The following PRDM5 variants were observed in gnomAD, a reference collection of about 807,000 sequenced individuals.
The protein encoded by PRDM5 is PR domain zinc finger protein 5.
PRDM5 carries 56 observed loss-of-function variants against 81.2 expected under a neutral mutation model. The observed-to-expected ratio is 0.69, with a 90% CI of 0.56 to 0.86. The LOEUF is 0.86. PRDM5 is among the 40% of genes least tolerant of loss of function. The probability of loss-of-function intolerance (pLI) is 0.00; values close to 1 mark genes in which losing one functional copy is unlikely to be tolerated. For missense variants in PRDM5, 697 were observed against 770.1 expected (o/e 0.91, Z 1.12); for synonymous variants, 267 against 256.4 (o/e 1.04, Z -0.39).
At chr4:120,748,575 A>G (rs1203295367) in intron 14 of PRDM5, among the ~76,000 whole-genome samples, 1 of 151,840 alleles carries the variant, frequency 6.6e-6, no homozygotes, top group African/African-American at 2.4e-5. Flanking sequence ...CAGGAGTTCA[A>G]GGTTGCAGTA....
chr4:120,830,115 A>T (rs977895119), intron 3 of PRDM5, among the ~76,000 whole-genome samples: 8 of 152,076 alleles, frequency 5.3e-5, no homozygotes, highest in Non-Finnish European at 1.0e-4. Flanking sequence ...TGTATCTATA[A>T]TCCAACAATA....
chr4:120,750,643 C>T (rs1743848854), intron 14 of PRDM5, among the ~76,000 whole-genome samples: 1 of 151,774 alleles, frequency 6.6e-6, no homozygotes, highest in Admixed American at 6.6e-5. Flanking sequence ...CAGGCATAAG[C>T]AGTATTTACT....
intron 14 of PRDM5, among the ~76,000 whole-genome samples, chr4:120,748,771 G>C (rs1406210546): frequency 1.3e-5 from 2 of 152,140 alleles, no homozygotes; most frequent in Middle Eastern, 3.4e-3. Flanking sequence ...ATGAGAAATG[G>C]CTCCAAATGC....
At chr4:120,728,793 TAC>T (rs1739824037) in intron 14 of PRDM5, among the ~76,000 whole-genome samples, 1 of 152,100 alleles carries the variant, frequency 6.6e-6, no homozygotes, top group Admixed American at 6.6e-5. Context: ...ACATCCACAC[TAC>T]AGAGCTTCCA....
chr4:120,711,570 A>G (rs1736993721), intron 14 of PRDM5, among the ~76,000 whole-genome samples: 1 of 151,500 alleles, frequency 6.6e-6, no homozygotes, highest in African/African-American at 2.4e-5. Flanking sequence ...TTGGCCTCCC[A>G]AAGTGCTGAG....
At chr4:120,761,040 T>A (rs1299198227) in intron 13 of PRDM5, among the ~76,000 whole-genome samples, 1 of 152,158 alleles carries the variant, frequency 6.6e-6, no homozygotes. Flanking sequence ...TAATGCCAAT[T>A]TAACATTATT....
intron 3 of PRDM5, among the ~76,000 whole-genome samples, chr4:120,826,542 A>C (rs921851933): frequency 6.6e-6 from 1 of 152,150 alleles, no homozygotes; most frequent in Non-Finnish European, 1.5e-5. Context: ...AGTGGAAAAG[A>C]ATTATCAAGT....
chr4:120,776,777 A>G (rs3804162), intron 13 of PRDM5, among the ~76,000 whole-genome samples: 15,373 of 152,188 alleles, frequency 0.1, 1,004 homozygotes, highest in East Asian at 0.22. Flanking sequence ...CTGGTATCCA[A>G]TAAAATCCTA....
intron 2 of PRDM5, among the ~76,000 whole-genome samples, chr4:120,878,291 G>A (rs1272130187): frequency 6.6e-6 from 1 of 151,994 alleles, no homozygotes; most frequent in East Asian, 1.9e-4. Context: ...TAACAAAGAA[G>A]GAAAAGCAAT....
At chr4:120,820,514 C>A (rs1344968283) in intron 4 of PRDM5, among the ~76,000 whole-genome samples, 1 of 152,198 alleles carries the variant, frequency 6.6e-6, no homozygotes, top group Non-Finnish European at 1.5e-5. Flanking sequence ...AGAAACAAGG[C>A]CAATAATAAT....
chr4:120,764,626 G>A (rs956563633), intron 13 of PRDM5, among the ~76,000 whole-genome samples: 1 of 151,980 alleles, frequency 6.6e-6, no homozygotes, highest in African/African-American at 2.4e-5. Flanking sequence ...CATTGATGTG[G>A]TTGTGGATCT....
rs199897614 is a variant in PRDM5 at position 120,725,196 on chromosome 4, G to C, written c.1624-14783C>G. Among the ~76,000 whole-genome samples the C allele has an allele frequency of 2.0e-5, 3 of 151,036 alleles. No individual in the cohort carries two copies. In the East Asian group the frequency reaches 5.8e-4, roughly 29 times the overall value. On this transcript the variant is annotated intron_variant, in intron 14 of 15. Transcript: ENST00000264808. The stretch of plus-strand genomic sequence containing the variant: ...ACCATTAACATTTTAAAATTCCAAA[G>C]GTAACTGCAGAAGTTTTTTTTTTTT...
rs186664004 is a variant in PRDM5 at position 120,758,467 on chromosome 4, A to G, written c.1538-3829T>C. 3.9e-5 allele frequency among the ~76,000 whole-genome samples: 6 copies of G among 152,276 alleles called. No homozygotes were observed. In the East Asian group the frequency reaches 1.2e-3, roughly 30 times the overall value. On this transcript the variant is annotated intron_variant, in intron 13 of 15. Transcript: ENST00000264808. ...TGGAGTAGTGTGGGCCCCTAATCAA[A>G]TATGATTGATGTCCTCATAAAAAGA...
chr4:120,711,310 T>C (rs1578438687), intron 14 of PRDM5, among the ~76,000 whole-genome samples: 1 of 152,274 alleles, frequency 6.6e-6, no homozygotes, highest in East Asian at 1.9e-4. Flanking sequence ...ATTTCCTTTT[T>C]GTTGTTGTGA....
chr4:120,818,567 T>G, intron 4 of PRDM5, 40 bp from the exon 5 acceptor site: 3 of 1,561,254 alleles, frequency 1.9e-6, no homozygotes, highest in Non-Finnish European at 2.6e-6. Flanking sequence ...AGACAAAAAT[T>G]CAGAGCCAAG....
intron 10 of PRDM5, among the ~76,000 whole-genome samples, chr4:120,794,626 C>CTT (rs751900616): frequency 2.2e-5 from 3 of 137,482 alleles, no homozygotes; most frequent in Admixed American, 7.3e-5. Context: ...TTATATTCTA[C>CTT]TTTTTTTTTT....
intron 15 of PRDM5, among the ~76,000 whole-genome samples, chr4:120,707,194 T>A (rs1736298310): frequency 6.6e-6 from 1 of 151,932 alleles, no homozygotes; most frequent in Non-Finnish European, 1.5e-5. Context: ...AGCAAAATAC[T>A]AACTGAATCT....
At chr4:120,884,243 A>G (rs1763160272) in intron 2 of PRDM5, among the ~76,000 whole-genome samples, 1 of 152,226 alleles carries the variant, frequency 6.6e-6, no homozygotes. Context: ...GTGGGACATT[A>G]ATGTCGTATG....
At chr4:120,921,722 T>C (rs1245913678) in intron 1 of PRDM5, among the ~76,000 whole-genome samples, 1 of 152,184 alleles carries the variant, frequency 6.6e-6, no homozygotes, top group African/African-American at 2.4e-5. Flanking sequence ...GCTGGACTTT[T>C]CCTGTGGCCT....
Sources: allele counts gnomAD v4.1 joint callset (sites outside exome capture counted in the v4.1 genomes callset), GRCh38; gene constraint gnomAD v4.1.1; transcripts MANE v1.5; gene names NCBI Gene and HGNC (gene_info 2026-07-23, HGNC 2026-07-21).